The following ARFGEF1 variants were observed in gnomAD, a reference collection of about 807,000 sequenced individuals.
ARFGEF1 encodes brefeldin A-inhibited guanine nucleotide-exchange protein 1.
ARFGEF1 carries 42 observed loss-of-function variants against 231.0 expected under a neutral mutation model. The observed-to-expected ratio is 0.18, with a 90% confidence interval of 0.14 to 0.24. The LOEUF (loss-of-function observed/expected upper bound fraction) is 0.24, where lower values mean the gene tolerates loss of function less well. ARFGEF1 is among the 10% of genes least tolerant of loss of function. The pLI, the probability that ARFGEF1 is intolerant of heterozygous loss-of-function variation, is 1.00. For missense variants in ARFGEF1, 1,345 were observed against 2,192.0 expected, an observed-to-expected ratio of 0.61 and a Z score of 7.72; for synonymous variants, 710 against 732.3, an observed-to-expected ratio of 0.97 and a Z score of 0.49.
At chr8:67,253,294 T>A (rs1171746890) in intron 18 of ARFGEF1, among the ~76,000 whole-genome samples, 157 bp downstream of exon 18, 10 of 152,150 alleles carry the variant, frequency 6.6e-5, no homozygotes, top group Admixed American at 6.5e-4. Flanking sequence ...TATGCTGGTC[T>A]CGAACTCCTG....
chr8:67,343,318 G>C lies in ARFGEF1; in HGVS notation c.-31C>G. ...CAGAGAAGGAGGCGGCGGCTCGTCC[G>C]ACCCGCGGCTCCCAGCGGCTGGAGG... On this transcript the variant is annotated 5_prime_UTR_variant, in exon 1 of 39. Coordinates refer to ENST00000262215, the MANE Select transcript of ARFGEF1 (RefSeq NM_006421.5). 6.2e-7 allele frequency: 1 copy of C among 1,604,974 alleles called. No individual in the cohort carries two copies. Among genetic ancestry groups the C allele is most frequent in the Non-Finnish European group, 8.5e-7 (1 of 1,174,650 alleles).
intron 3 of ARFGEF1, 47 bp from the exon 4 acceptor site, chr8:67,299,402 T>C (rs1806377806): frequency 2.0e-6 from 3 of 1,503,694 alleles, no homozygotes; most frequent in Non-Finnish European, 2.7e-6. Flanking sequence ...GTAACAAATA[T>C]TATACATACT....
intron 1 of ARFGEF1, among the ~76,000 whole-genome samples, chr8:67,334,759 T>C: frequency 6.6e-6 from 1 of 152,192 alleles, no homozygotes; most frequent in East Asian, 1.9e-4. Context: ...ACAAACTTCA[T>C]GAATGAACCT....
rs868487260 is a variant in ARFGEF1, at chr8:67,248,931, G to C, written c.2850+2368C>G. ...ATGTTTGAAGACTATAAGTGACACTGTATCTTGTTTCTAATAAGATAAACT... is the reference window on the plus strand; with the variant it reads ...ATGTTTGAAGACTATAAGTGACACTCTATCTTGTTTCTAATAAGATAAACT... On this transcript the variant is annotated intron_variant, in intron 19 of 38. Transcript: ENST00000262215. Among the ~76,000 whole-genome samples the C allele has an allele frequency of 2.5e-4, 38 of 150,346 alleles. 5 individuals are homozygous for C. Among genetic ancestry groups the C allele is most frequent in the African/African-American group, 8.7e-4 (35 of 40,244 alleles).
At chr8:67,249,157 T>A (rs957166524) in intron 19 of ARFGEF1, among the ~76,000 whole-genome samples, 1 of 150,388 alleles carries the variant, frequency 6.6e-6, no homozygotes, top group Non-Finnish European at 1.5e-5. Context: ...ATAATGTATA[T>A]ATAGACAGTT....
intron 3 of ARFGEF1, 97 bp from the exon 4 acceptor site, chr8:67,299,452 T>A: frequency 8.7e-7 from 1 of 1,149,776 alleles, no homozygotes; most frequent in Non-Finnish European, 1.2e-6. Context: ...CAATTGAATA[T>A]ACATAAAATT....
At chr8:67,236,365 A>AT (rs1554638967) in intron 22 of ARFGEF1, among the ~76,000 whole-genome samples, 24 of 29,020 alleles carry the variant, frequency 8.3e-4, no homozygotes, top group Admixed American at 1.4e-3. Flanking sequence ...AAAAAAAAAA[A>AT]ATATATATAT....
intron 16 of ARFGEF1, 22 bp downstream of exon 16, chr8:67,258,063 T>C (rs780880570): frequency 1.0e-5 from 16 of 1,584,762 alleles, no homozygotes; most frequent in African/African-American, 1.3e-5. Flanking sequence ...AGACAATCAA[T>C]GAGCATTTGA....
downstream of ARFGEF1, chr8:67,175,458 G>T: frequency 6.2e-7 from 1 of 1,613,444 alleles, no homozygotes; most frequent in Non-Finnish European, 8.5e-7. Context: ...TCATTGCTGT[G>T]TCAAATAGTA....
At chr8:67,224,333 A>G (rs1019582892) in intron 29 of ARFGEF1, among the ~76,000 whole-genome samples, 2 of 152,214 alleles carry the variant, frequency 1.3e-5, no homozygotes, top group African/African-American at 4.8e-5. Flanking sequence ...GCCGTGACCT[A>G]AGAACAGTGT....
chr8:67,306,116 T>C (rs1333039567), intron 1 of ARFGEF1, among the ~76,000 whole-genome samples: 2 of 152,340 alleles, frequency 1.3e-5, no homozygotes, highest in Admixed American at 6.5e-5. Context: ...AAGCTTCTCT[T>C]TGGCGTATCT....
chr8:67,256,978 G>T (rs947098776), intron 17 of ARFGEF1, among the ~76,000 whole-genome samples: 1 of 152,182 alleles, frequency 6.6e-6, no homozygotes, highest in South Asian at 2.1e-4. Flanking sequence ...GGAGGAAAGA[G>T]ATATAGATAG....
In ARFGEF1 at chr8:67,324,358, G is replaced by GT. The variant is rs561981583; in HGVS notation, c.124+18805dup. 4.7e-3 allele frequency among the ~76,000 whole-genome samples: 710 copies of GT among 152,286 alleles called. 2 individuals are homozygous for GT. The highest frequency in any genetic ancestry group is 0.024 in the Middle Eastern group (7 of 294). On this transcript the variant is annotated intron_variant, in intron 1 of 38. Transcript: ENST00000262215. ...TCATCCTTGCTTTCTTTGCCAAACT[G>GT]TATTCCCACAGTCATACTGAACTCC...
chr8:67,255,736 C>A (rs770861959), intron 17 of ARFGEF1, among the ~76,000 whole-genome samples: 4 of 152,204 alleles, frequency 2.6e-5, no homozygotes, highest in Non-Finnish European at 5.9e-5. Context: ...GCACATGACA[C>A]CAGGCAGCAA....
intron 1 of ARFGEF1, 65 bp downstream of exon 1, chr8:67,343,099 C>T (rs1387496080): frequency 2.4e-5 from 13 of 551,792 alleles, no homozygotes; most frequent in Non-Finnish European, 3.4e-5. Context: ...CCCCACCCCC[C>T]CACAGGCGCC....
intron 22 of ARFGEF1, among the ~76,000 whole-genome samples, chr8:67,236,532 G>A (rs1390226205): frequency 6.6e-6 from 1 of 151,510 alleles, no homozygotes; most frequent in East Asian, 1.9e-4. Context: ...TAGGCACAGG[G>A]GGACAAGGGT....
At chr8:67,266,365 T>C (rs1424287315) in intron 13 of ARFGEF1, among the ~76,000 whole-genome samples, 158 bp from the exon 14 acceptor site, 1 of 152,192 alleles carries the variant, frequency 6.6e-6, no homozygotes, top group Non-Finnish European at 1.5e-5. Flanking sequence ...CAACATACTT[T>C]GATATTAAAA....
rs1808045070 is a variant in ARFGEF1, at chr8:67,330,371, T to C, written c.124+12793A>G. 9.2e-5 allele frequency among the ~76,000 whole-genome samples: 14 copies of C among 152,162 alleles called. 1 individual carries two copies. The highest frequency in any genetic ancestry group is 9.2e-4 in the Admixed American group (14 of 15,274). On this transcript the variant is annotated intron_variant, in intron 1 of 38. Transcript: ENST00000262215. ...TTACAAACAAAAGAACCTTTCCTTC[T>C]ACTTTACCACTCAAGGAATCTTCTA...
intron 7 of ARFGEF1, among the ~76,000 whole-genome samples, chr8:67,286,985 A>G (rs7812493): frequency 0.033 from 5,041 of 152,260 alleles, 265 homozygotes; most frequent in African/African-American, 0.11. Flanking sequence ...AACTCTACCA[A>G]TAGCACCACC....
Sources: allele counts gnomAD v4.1 joint callset (sites outside exome capture counted in the v4.1 genomes callset), GRCh38; gene constraint gnomAD v4.1.1; transcripts MANE v1.5; gene names NCBI Gene and HGNC (gene_info 2026-07-23, HGNC 2026-07-21).